SYT1: variants seen among roughly 807,000 people sequenced by gnomAD.
The protein encoded by SYT1 is synaptotagmin-1.
Under a neutral mutation model 44.8 loss-of-function variants are expected in SYT1, and 8 were observed. The ratio of observed to expected loss-of-function variants is 0.18; its 90% CI spans 0.10 to 0.32. The LOEUF (loss-of-function observed/expected upper bound fraction) is 0.32, where lower values mean the gene tolerates loss of function less well. Ranked by LOEUF, SYT1 falls within the 10% of genes least tolerant of loss-of-function variation. SYT1 has a pLI of 1.00. For missense variants in SYT1, 286 were observed against 509.3 expected (o/e 0.56, Z 4.22); for synonymous variants, 154 against 188.8 (o/e 0.82, Z 1.51).
intron 9 of SYT1, among the ~76,000 whole-genome samples, chr12:79,370,548 G>A (rs1197217131): frequency 6.6e-6 from 1 of 152,030 alleles, no homozygotes; most frequent in Admixed American, 6.6e-5. Context: ...GGATCACGAG[G>A]TCAGAAGATC....
intron 1 of SYT1, among the ~76,000 whole-genome samples, chr12:78,899,125 C>T (rs189870836): frequency 9.9e-5 from 15 of 152,130 alleles, no homozygotes; most frequent in African/African-American, 3.6e-4. Context: ...ATAGTGGAAA[C>T]TATTGCTCAC....
chr12:79,100,785 ATTATAC>A (rs972865897), intron 3 of SYT1, among the ~76,000 whole-genome samples: 29 of 152,130 alleles, frequency 1.9e-4, no homozygotes, highest in Non-Finnish European at 4.1e-4. Flanking sequence ...TAGATTTTTA[ATTATAC>A]TTATTACTTA....
chr12:79,145,236 T>C (rs1310933857), intron 3 of SYT1, among the ~76,000 whole-genome samples: 1 of 152,112 alleles, frequency 6.6e-6, no homozygotes, highest in African/African-American at 2.4e-5. Context: ...CTTAATAATA[T>C]ATTATCTAAT....
intron 2 of SYT1, among the ~76,000 whole-genome samples, chr12:79,044,603 C>A (rs367690271): frequency 2.7e-5 from 4 of 148,008 alleles, no homozygotes; most frequent in Admixed American, 1.4e-4. Flanking sequence ...GTAATTTGAT[C>A]GTCTGAAGCC....
intron 3 of SYT1, among the ~76,000 whole-genome samples, chr12:79,156,732 A>G (rs200475646): frequency 5.9e-5 from 9 of 152,038 alleles, no homozygotes; most frequent in East Asian, 3.9e-4. Context: ...CTCCCAAAGT[A>G]CTGGGATTAC....
rs547175540 is a variant in SYT1 at position 79,284,458 on chromosome 12, G to C, written c.167-1329G>C. Among the ~76,000 whole-genome samples the C allele has an allele frequency of 1.0e-3, 157 of 152,086 alleles. 1 individual carries two copies. Among genetic ancestry groups the C allele is most frequent in the Non-Finnish European group, 2.0e-3 (135 of 67,988 alleles). ...CTCTGTGTATTTATCTTGCTTTTTA[G>C]GTATTTACTTGTGTGAGTAGTTTAT... On this transcript the variant is annotated intron_variant, in intron 4 of 10. Coordinates refer to ENST00000261205, the MANE Select transcript of SYT1 (RefSeq NM_005639.3).
At chr12:79,409,876 T>C (rs1868349513) in intron 9 of SYT1, among the ~76,000 whole-genome samples, 1 of 152,024 alleles carries the variant, frequency 6.6e-6, no homozygotes, top group African/African-American at 2.4e-5. Flanking sequence ...TTTGCATTGA[T>C]TAAAGAGAAA....
At chr12:78,929,114 AT>A (rs1877470900) in intron 1 of SYT1, among the ~76,000 whole-genome samples, 3 of 152,000 alleles carry the variant, frequency 2.0e-5, no homozygotes, top group African/African-American at 7.2e-5. Context: ...ATAAAAAGTT[AT>A]TAGCAGCCAG....
At chr12:79,201,092 T>C (rs1267568428) in intron 3 of SYT1, among the ~76,000 whole-genome samples, 2 of 152,110 alleles carry the variant, frequency 1.3e-5, no homozygotes, top group East Asian at 1.9e-4. Context: ...GTTGATGCCA[T>C]GGAGCCTCTA....
Position 78,881,026 on chromosome 12 carries a change from C to T in SYT1, c.-217+15917C>T, listed in dbSNP as rs375133232. Among the ~76,000 whole-genome samples the T allele has an allele frequency of 4.0e-3, 600 of 151,702 alleles. 8 individuals are homozygous for T. Among genetic ancestry groups the T allele is most frequent in the Middle Eastern group, 0.02 (6 of 294 alleles). On this transcript the variant is annotated intron_variant, in intron 1 of 10. Transcript: ENST00000261205. ...ACCTTACAGTCCTGCTTTCTTCCAA[C>T]TCATCTTCCTCACAGTCACCTAAGT...
At chr12:79,314,561 A>C (rs1432895170) in intron 8 of SYT1, among the ~76,000 whole-genome samples, 1 of 152,234 alleles carries the variant, frequency 6.6e-6, no homozygotes, top group Non-Finnish European at 1.5e-5. Flanking sequence ...AAAATAAGAC[A>C]GACAATAGCA....
chr12:78,933,774 T>A (rs923745949), intron 1 of SYT1, among the ~76,000 whole-genome samples: 16 of 152,150 alleles, frequency 1.1e-4, no homozygotes, highest in South Asian at 1.0e-3. Flanking sequence ...CCAATTTTTT[T>A]AATAAATCCT....
At chr12:78,968,046 A>G (rs1033331816) in intron 1 of SYT1, among the ~76,000 whole-genome samples, 1 of 152,144 alleles carries the variant, frequency 6.6e-6, no homozygotes, top group Non-Finnish European at 1.5e-5. Flanking sequence ...AACCTAGATT[A>G]CTAAAGATTA....
intron 8 of SYT1, among the ~76,000 whole-genome samples, chr12:79,351,088 G>C (rs1253202929): frequency 1.3e-5 from 2 of 151,262 alleles, no homozygotes; most frequent in African/African-American, 4.9e-5. Flanking sequence ...ATCTGTAAAG[G>C]GTGCTTTAAA....
At chr12:78,911,997 G>T (rs1257429764) in intron 1 of SYT1, among the ~76,000 whole-genome samples, 1 of 151,938 alleles carries the variant, frequency 6.6e-6, no homozygotes, top group Non-Finnish European at 1.5e-5. Context: ...CATAATTGAT[G>T]ACATCGTGTC....
intron 1 of SYT1, among the ~76,000 whole-genome samples, chr12:78,943,258 T>C (rs1297478706): frequency 6.6e-6 from 1 of 152,096 alleles, no homozygotes; most frequent in Non-Finnish European, 1.5e-5. Flanking sequence ...TAGTGGGTAA[T>C]TTATAAAGAA....
chr12:79,045,338 A>G lies in SYT1; in HGVS notation c.-83-1959A>G, dbSNP rs527645296. Among the ~76,000 whole-genome samples, 3 of 151,788 alleles carry G rather than the reference A, an allele frequency of 2.0e-5. No homozygotes were observed. In the East Asian group the frequency reaches 5.8e-4, roughly 29 times the overall value. ...TAATCTCGTGGTGCGCCATTTTTTA[A>G]GCCGGTCGGAAAAGCGCAGTATTCG... is the stretch of plus-strand genomic sequence containing the variant. On this transcript the variant is annotated intron_variant, in intron 2 of 10. Transcript: ENST00000261205.
chr12:79,296,482 A>G (rs1565895976), intron 7 of SYT1, among the ~76,000 whole-genome samples: 1 of 152,222 alleles, frequency 6.6e-6, no homozygotes, highest in Non-Finnish European at 1.5e-5. Context: ...CTAGGATGTC[A>G]TAGTCACATC....
At chr12:78,952,533 C>G (rs1353380785) in intron 1 of SYT1, among the ~76,000 whole-genome samples, 2 of 152,230 alleles carry the variant, frequency 1.3e-5, no homozygotes, top group East Asian at 3.9e-4. Flanking sequence ...ATGACTCATC[C>G]TCTGTTCAGA....
Sources: gnomAD v4.1 joint callset for allele counts (sites outside exome capture counted in the v4.1 genomes callset) on GRCh38, gnomAD v4.1.1 for gene constraint, MANE v1.5 for transcripts, NCBI Gene and HGNC (gene_info 2026-07-23, HGNC 2026-07-21) for gene names.